The following NTM variants were observed in gnomAD, a reference collection of about 807,000 sequenced individuals.
NTM encodes IgLON family member 2.
In NTM, 13 loss-of-function variants were observed where a neutral mutation model predicts 42.1. That is an observed-to-expected ratio of 0.31 (90% confidence interval 0.20 to 0.49). NTM has a LOEUF of 0.49. Among genes scored for constraint, NTM ranks in the 20% least tolerant of loss-of-function variants. NTM has a pLI of 0.99. For missense variants in NTM, 373 were observed against 452.8 expected, an observed-to-expected ratio of 0.82 and a Z score of 1.60; for synonymous variants, 187 against 179.2, an observed-to-expected ratio of 1.04 and a Z score of -0.35.
At chr11:132,014,326 C>A (rs1271244471) in intron 2 of NTM, among the ~76,000 whole-genome samples, 2 of 152,084 alleles carry the variant, frequency 1.3e-5, no homozygotes. Flanking sequence ...CACATCTTTG[C>A]TATTGTGAAC....
At chr11:131,977,551 C>A (rs2064591409) in intron 2 of NTM, among the ~76,000 whole-genome samples, 1 of 152,196 alleles carries the variant, frequency 6.6e-6, no homozygotes, top group Non-Finnish European at 1.5e-5. Context: ...GTCTTAAGGT[C>A]TTGCCAGCTC....
intron 2 of NTM, among the ~76,000 whole-genome samples, chr11:132,091,220 T>A (rs2060336786): frequency 6.6e-6 from 1 of 151,974 alleles, no homozygotes; most frequent in African/African-American, 2.4e-5. Context: ...CAAAACCCTG[T>A]CCCTACTAAA....
chr11:131,572,947 G>C (rs969126612), intron 1 of NTM, among the ~76,000 whole-genome samples: 1 of 152,156 alleles, frequency 6.6e-6, no homozygotes, highest in South Asian at 2.1e-4. Context: ...CCTCTTGTCT[G>C]TCTGCTCCCC....
At chr11:132,007,336 G>A (rs565722244) in intron 2 of NTM, among the ~76,000 whole-genome samples, 1 of 152,258 alleles carries the variant, frequency 6.6e-6, no homozygotes, top group South Asian at 2.1e-4. Context: ...ATTCATCCCA[G>A]GATCACTTAA....
chr11:131,789,544 AGAAAAGAAGAAGAAG>A (rs2136109068), intron 1 of NTM, among the ~76,000 whole-genome samples: 2 of 23,064 alleles, frequency 8.7e-5, no homozygotes, highest in South Asian at 1.2e-3. Context: ...AAGAAGAAGA[AGAAAAGAAGAAGAAG>A]AAGAAGAAGA....
intron 1 of NTM, among the ~76,000 whole-genome samples, chr11:131,518,970 C>T (rs2049243569): frequency 6.6e-6 from 1 of 152,180 alleles, no homozygotes; most frequent in South Asian, 2.1e-4. Flanking sequence ...GGTGCATTTT[C>T]CTTTTTATTT....
At chr11:131,910,991 GC>G (rs1236014396) in intron 1 of NTM, 1 of 998,324 alleles carries the variant, frequency 1.0e-6, no homozygotes, top group Non-Finnish European at 1.2e-6. Context: ...CCGGTGGCGA[GC>G]CCGGCTCCGA....
At chr11:131,475,516 T>A (rs1952840076) in intron 1 of NTM, among the ~76,000 whole-genome samples, 2 of 151,796 alleles carry the variant, frequency 1.3e-5, no homozygotes, top group South Asian at 4.2e-4. Flanking sequence ...AGGATTGAAA[T>A]GCAGGGAGCT....
chr11:132,269,665 T>C (rs1340161997), intron 4 of NTM, among the ~76,000 whole-genome samples: 1 of 152,192 alleles, frequency 6.6e-6, no homozygotes, highest in Non-Finnish European at 1.5e-5. Flanking sequence ...CAGTGTTCTC[T>C]TCATGACATG....
chr11:131,943,742 G>A (rs2060053528), intron 2 of NTM, among the ~76,000 whole-genome samples: 1 of 152,104 alleles, frequency 6.6e-6, no homozygotes, highest in Non-Finnish European at 1.5e-5. Context: ...TGCCAGTTCT[G>A]TCATTAGAAA....
intron 1 of NTM, among the ~76,000 whole-genome samples, chr11:131,687,021 G>A (rs1463110855): frequency 2.6e-5 from 4 of 152,150 alleles, no homozygotes; most frequent in Non-Finnish European, 5.9e-5. Flanking sequence ...GCCCCAGTTC[G>A]GGACAACCTG....
intron 2 of NTM, among the ~76,000 whole-genome samples, chr11:131,997,520 C>A (rs1022972569): frequency 2.0e-5 from 3 of 152,128 alleles, no homozygotes; most frequent in African/African-American, 4.8e-5. Flanking sequence ...GGTGAGCATG[C>A]GGGCAGTGGG....
chr11:131,494,917 G>T (rs1955175044), intron 1 of NTM, among the ~76,000 whole-genome samples: 1 of 152,172 alleles, frequency 6.6e-6, no homozygotes, highest in African/African-American at 2.4e-5. Flanking sequence ...TCCCAAGTCT[G>T]TGTGCTTCAT....
chr11:131,499,650 G>A (rs190221138), intron 1 of NTM, among the ~76,000 whole-genome samples: 1 of 150,968 alleles, frequency 6.6e-6, no homozygotes, highest in East Asian at 1.9e-4. Context: ...CTCGTCCCCT[G>A]TGACTCCTCC....
Position 131,955,592 on chromosome 11 carries a change from A to G in NTM, c.167+43944A>G, listed in dbSNP as rs889176972. 4.6e-5 allele frequency among the ~76,000 whole-genome samples: 7 copies of G among 152,314 alleles called. No homozygotes were observed. In the South Asian group the frequency reaches 1.2e-3, roughly 27 times the overall value. ...TAAAACATCAAAAGATACATAAATG[A>G]CAAAAGAACTAAATATCTTAGGAAG... On this transcript the variant is annotated intron_variant, in intron 2 of 8. Coordinates refer to ENST00000683400, the MANE Select transcript of NTM (RefSeq NM_001352005.2).
At chr11:132,109,554 C>A (rs1221354711) in intron 2 of NTM, among the ~76,000 whole-genome samples, 2 of 152,144 alleles carry the variant, frequency 1.3e-5, no homozygotes, top group Admixed American at 6.5e-5. Context: ...TTATATTGCT[C>A]CCCTGCTTAG....
chr11:132,040,750 C>T (rs1306013565), intron 2 of NTM, among the ~76,000 whole-genome samples: 1 of 152,178 alleles, frequency 6.6e-6, no homozygotes, highest in East Asian at 1.9e-4. Context: ...AACCTCTTTG[C>T]TGAAGCATAA....
chr11:132,162,306 G>T (rs373777380), intron 3 of NTM, among the ~76,000 whole-genome samples: 1 of 151,508 alleles, frequency 6.6e-6, no homozygotes, highest in Non-Finnish European at 1.5e-5. Context: ...TGTGAAGAGC[G>T]TGTATGTGGG....
intron 1 of NTM, among the ~76,000 whole-genome samples, chr11:131,646,296 G>A (rs549382017): frequency 1.3e-5 from 2 of 152,314 alleles, no homozygotes; most frequent in East Asian, 3.9e-4. Context: ...GGGCCTGCTA[G>A]CCTGAAGATC....
Sources: allele counts gnomAD v4.1 joint callset (sites outside exome capture counted in the v4.1 genomes callset), GRCh38; gene constraint gnomAD v4.1.1; transcripts MANE v1.5; gene names NCBI Gene and HGNC (gene_info 2026-07-23, HGNC 2026-07-21).